The following CDH23 variants were observed in gnomAD, a reference collection of about 807,000 sequenced individuals.
CDH23 encodes the protein cadherin related 23.
Under a neutral mutation model 317.1 loss-of-function variants are expected in CDH23, and 189 were observed. The observed-to-expected ratio is 0.60, with a 90% confidence interval of 0.53 to 0.67. The LOEUF is 0.67. Ranked by LOEUF, CDH23 falls within the 30% of genes least tolerant of loss-of-function variation. CDH23 has a pLI of 0.00. For missense variants in CDH23, 4,401 were observed against 4,592.4 expected (o/e 0.96, Z 1.20); for synonymous variants, 1,839 against 1,876.8 (o/e 0.98, Z 0.52).
At chr10:71,797,848 G>C (rs1841443943) in intron 49 of CDH23, among the ~76,000 whole-genome samples, 1 of 152,086 alleles carries the variant, frequency 6.6e-6, no homozygotes, top group African/African-American at 2.4e-5. Context: ...TGGGGATGGG[G>C]TGGCCTCAAG....
intron 14 of CDH23, among the ~76,000 whole-genome samples, chr10:71,665,015 A>C (rs1248057128): frequency 6.6e-6 from 1 of 152,132 alleles, no homozygotes; most frequent in East Asian, 1.9e-4. Context: ...AGATCCTCAT[A>C]AGTCATCAGA....
intron 38 of CDH23, among the ~76,000 whole-genome samples, chr10:71,762,900 G>A (rs1240997290): frequency 2.0e-5 from 3 of 152,170 alleles, no homozygotes; most frequent in Non-Finnish European, 2.9e-5. Flanking sequence ...CAATTCCCTG[G>A]TCCACTTTGC....
rs547668692 is a variant in CDH23 at position 71,687,692 on chromosome 10, G to A, written c.2032G>A (p.Val678Ile). The A allele has an allele frequency of 8.6e-5, 138 of 1,613,818 alleles. No individual in the cohort carries two copies. The highest frequency in any genetic ancestry group is 1.3e-4 in the Admixed American group (8 of 60,008). ...CACCTTCAGCAAGCCCGCCTACTTC[G>A]TCTCCGTGGTGGAGAACATCATGGC... is the stretch of plus-strand genomic sequence containing the variant. Reference protein sequence around the residue: ...PPTFSKPAYFVSVVENIMAGA... With the variant: ...PPTFSKPAYFISVVENIMAGA... The change falls in exon 19 of 70, where the codon GTC (valine) becomes ATC (isoleucine). Residue 678 changes from valine to isoleucine, a missense_variant. By Grantham distance (29) the Val-to-Ile change is conservative. Around this residue, in one of 3 missense-constraint regions of CDH23, gnomAD observed 3,068 missense variants for 3,203.3 expected, o/e 0.96. Transcript: ENST00000224721.
chr10:71,805,800 C>G lies in CDH23; in HGVS notation c.7873-6C>G. 1 of 1,611,020 alleles carries G rather than the reference C, an allele frequency of 6.2e-7. No homozygotes were observed. The highest frequency in any genetic ancestry group is 8.5e-7 in the Non-Finnish European group (1 of 1,178,546). The stretch of plus-strand genomic sequence containing the variant: ...CCAGGAGCCTTCCTCCCCATGCTCC[C>G]CACAGGAGATCCCGCTGCGCTCCAA... On this transcript the variant is annotated splice_polypyrimidine_tract_variant and splice_region_variant and intron_variant, in intron 55 of 69. Coordinates refer to ENST00000224721, the MANE Select transcript of CDH23 (RefSeq NM_022124.6).
chr10:71,716,075 C>T lies in CDH23; in HGVS notation c.3369+3262C>T, dbSNP rs766169897. 1.1e-5 allele frequency: 17 copies of T among 1,519,574 alleles called. No homozygotes were observed. The East Asian group carries it at 1.7e-4, about 15-fold the overall frequency. The allele number at this position is 1,519,574 out of a possible 1,614,324, so 94.1% of individuals were successfully genotyped here. On this transcript the variant is annotated intron_variant, in intron 28 of 69. Transcript: ENST00000224721. ...CAAGGAGCCCAGGCGCTTCCAGAGC[C>T]GGAGCTGGGGCTCACTGGGGCTCCC...
intron 1 of CDH23, among the ~76,000 whole-genome samples, chr10:71,430,730 G>T (rs1251553570): frequency 6.6e-6 from 1 of 152,188 alleles, no homozygotes; most frequent in Admixed American, 6.5e-5. Flanking sequence ...TGAGGCAGGA[G>T]AATCACTTGA....
intron 53 of CDH23, 64 bp downstream of exon 53, chr10:71,800,819 C>G (rs74145677): frequency 2.5e-5 from 40 of 1,584,930 alleles, no homozygotes; most frequent in Non-Finnish European, 3.4e-5. Context: ...ACAAGCAAAG[C>G]CTCTAGCAAG....
chr10:71,682,579 AC>A lies in CDH23; in HGVS notation c.1986+10del, dbSNP rs755101039. On this transcript the variant is annotated splice_region_variant and intron_variant, in intron 18 of 69. Transcript: ENST00000224721. The stretch of plus-strand genomic sequence containing the variant: ...TGTCACCATCGAGGTGTTTGTAAGT[AC>A]CCAGGGCCACTGGCCTTGCCCTGCT... 6.2e-7 allele frequency: 1 copy of A among 1,612,328 alleles called. No homozygotes were observed. The highest frequency in any genetic ancestry group is 2.2e-5 in the East Asian group (1 of 44,844).
At position 71,459,641 on chromosome 10, in the gene CDH23, C is replaced by T. The variant is rs7089089; in HGVS notation, c.145+13246C>T. Among the ~76,000 whole-genome samples the T allele has an allele frequency of 4.5e-3, 678 of 152,230 alleles. 5 individuals carry two copies. Among genetic ancestry groups the T allele is most frequent in the African/African-American group, 0.015 (623 of 41,544 alleles). On this transcript the variant is annotated intron_variant, in intron 3 of 69. Coordinates refer to ENST00000224721, the MANE Select transcript of CDH23 (RefSeq NM_022124.6). ...GAGGCCTAGAGGCTCCTGGGCCCAC[C>T]TCCTAGCCTAACCAGGAATCCCCTT...
intron 11 of CDH23, among the ~76,000 whole-genome samples, chr10:71,641,074 T>G (rs1275868133): frequency 6.6e-6 from 1 of 152,174 alleles, no homozygotes; most frequent in Non-Finnish European, 1.5e-5. Context: ...CAGGTAATTT[T>G]GATATGTGGC....
At chr10:71,778,862 A>G (rs1177192301) in intron 40 of CDH23, among the ~76,000 whole-genome samples, 1 of 152,106 alleles carries the variant, frequency 6.6e-6, no homozygotes, top group Non-Finnish European at 1.5e-5. Context: ...CTCAAGAGCA[A>G]TCCTCCCACC....
At chr10:71,654,864 C>A (rs7087701) in intron 14 of CDH23, among the ~76,000 whole-genome samples, 5 of 151,958 alleles carry the variant, frequency 3.3e-5, no homozygotes, top group Admixed American at 2.0e-4. Context: ...AACCCAGCCT[C>A]CAAGTCACAC....
chr10:71,740,083 T>A (rs1344375337), intron 36 of CDH23, among the ~76,000 whole-genome samples: 1 of 152,130 alleles, frequency 6.6e-6, no homozygotes, highest in Admixed American at 6.5e-5. Context: ...CTTCTACAAA[T>A]ACAGTGTGGC....
chr10:71,687,531 C>A (rs112034691), intron 18 of CDH23, 116 bp from the exon 19 acceptor site: 12 of 880,228 alleles, frequency 1.4e-5, no homozygotes, highest in Middle Eastern at 2.1e-4. Flanking sequence ...TACGGAGAGG[C>A]CAAAGCTCTT....
Position 71,408,513 on chromosome 10 carries a change from C to T in CDH23, c.-6+11195C>T, listed in dbSNP as rs935834646. The stretch of plus-strand genomic sequence containing the variant: ...CCCCCTCACCTGAAGTGCTGGTGAC[C>T]GCTGGGTCTGAGTTACCATGGGATG... On this transcript the variant is annotated intron_variant, in intron 1 of 69. Transcript: ENST00000224721. Among the ~76,000 whole-genome samples the T allele has an allele frequency of 2.6e-5, 4 of 152,096 alleles. No individual in the cohort carries two copies. In the South Asian group the frequency reaches 6.2e-4, roughly 24 times the overall value.
chr10:71,511,067 G>A, intron 5 of CDH23, 53 bp from the exon 6 acceptor site: 1 of 1,611,856 alleles, frequency 6.2e-7, no homozygotes, highest in East Asian at 2.2e-5. Context: ...CCCCTAGGGT[G>A]GAAGAGGCCA....
intron 6 of CDH23, among the ~76,000 whole-genome samples, chr10:71,512,845 C>T (rs187346700): frequency 7.2e-5 from 11 of 152,232 alleles, no homozygotes; most frequent in Admixed American, 6.5e-4. Context: ...TATTGAATGT[C>T]TGCTGTGGGC....
intron 14 of CDH23, among the ~76,000 whole-genome samples, chr10:71,665,627 T>A (rs1589311214): frequency 6.6e-6 from 1 of 151,678 alleles, no homozygotes; most frequent in African/African-American, 2.4e-5. Flanking sequence ...GTGGGCGAGG[T>A]GAGGAGGCTG....
chr10:71,663,557 T>G (rs1399053063), intron 14 of CDH23, among the ~76,000 whole-genome samples: 1 of 152,250 alleles, frequency 6.6e-6, no homozygotes, highest in Non-Finnish European at 1.5e-5. Flanking sequence ...CTGGCCTTGC[T>G]GGGTCTTTTT....
Sources: gnomAD v4.1 joint callset for allele counts (sites outside exome capture counted in the v4.1 genomes callset) on GRCh38, gnomAD v4.1.1 for gene constraint, gnomAD v4.1.1 regional missense constraint, MANE v1.5 for transcripts, NCBI Gene and HGNC (gene_info 2026-07-23, HGNC 2026-07-21) for gene names.